The following PRKCH variants were observed in gnomAD, a reference collection of about 807,000 sequenced individuals.
The protein encoded by PRKCH is protein kinase C eta, also known as protein kinase C eta type.
Under a neutral mutation model 82.5 loss-of-function variants are expected in PRKCH, and 28 were observed. That is an observed-to-expected ratio of 0.34 (90% CI 0.25 to 0.47). The LOEUF (loss-of-function observed/expected upper bound fraction) is 0.47. PRKCH is among the 20% of genes least tolerant of loss of function. The pLI is 1.00. For missense variants in PRKCH, 705 were observed against 881.8 expected, an observed-to-expected ratio of 0.80 and a Z score of 2.54; for synonymous variants, 322 against 327.4, an observed-to-expected ratio of 0.98 and a Z score of 0.18.
intron 1 of PRKCH, among the ~76,000 whole-genome samples, chr14:61,288,609 T>A (rs1311100640): frequency 6.6e-6 from 1 of 152,210 alleles, no homozygotes; most frequent in African/African-American, 2.4e-5. Flanking sequence ...GTTTAAATTT[T>A]TAGTTTTCTT....
At chr14:61,279,996 G>A in intron 1 of PRKCH, 1 of 1,075,558 alleles carries the variant, frequency 9.3e-7, no homozygotes, top group South Asian at 1.7e-5. Context: ...GAAAAGCTAG[G>A]CGAGGTTGGA....
intron 10 of PRKCH, among the ~76,000 whole-genome samples, chr14:61,522,371 G>C (rs918162937): frequency 3.3e-5 from 5 of 152,064 alleles, no homozygotes; most frequent in African/African-American, 1.2e-4. Context: ...GTTTTCCATG[G>C]TTTATTGGGC....
intron 1 of PRKCH, among the ~76,000 whole-genome samples, chr14:61,226,905 C>T (rs1566786968): frequency 6.6e-6 from 1 of 152,144 alleles, no homozygotes; most frequent in Non-Finnish European, 1.5e-5. Context: ...CTTCCCTTCC[C>T]ACTACCAAAT....
chr14:61,393,793 T>C (rs2046725152), intron 2 of PRKCH, among the ~76,000 whole-genome samples: 1 of 152,230 alleles, frequency 6.6e-6, no homozygotes. Context: ...TGGTTCCATA[T>C]TGAGTTCTAT....
intron 10 of PRKCH, among the ~76,000 whole-genome samples, chr14:61,524,194 G>T (rs1039653984): frequency 2.0e-5 from 3 of 152,160 alleles, no homozygotes; most frequent in African/African-American, 7.2e-5. Flanking sequence ...ATTACTCTCA[G>T]GATAGCTTAT....
intron 9 of PRKCH, among the ~76,000 whole-genome samples, chr14:61,483,495 A>G (rs1157589869): frequency 6.6e-6 from 1 of 152,250 alleles, no homozygotes; most frequent in African/African-American, 2.4e-5. Context: ...CTTCTTCACT[A>G]TTAAATTCTT....
intron 1 of PRKCH, among the ~76,000 whole-genome samples, chr14:61,314,745 T>C (rs1220113401): frequency 3.3e-5 from 5 of 152,172 alleles, no homozygotes; most frequent in Non-Finnish European, 7.3e-5. Flanking sequence ...CTTAGGACCC[T>C]TCCCCTTTGG....
chr14:61,250,959 G>A (rs2044940533), intron 1 of PRKCH, among the ~76,000 whole-genome samples: 1 of 152,198 alleles, frequency 6.6e-6, no homozygotes, highest in Non-Finnish European at 1.5e-5. Flanking sequence ...CAGAGTGAAA[G>A]TGGATCTTTT....
rs758938304 is a variant in PRKCH at position 61,280,559 on chromosome 14, C to G, written c.-19+92891C>G. 3 of 1,609,632 alleles carry G rather than the reference C, an allele frequency of 1.9e-6. No individual in the cohort carries two copies. The South Asian group carries it at 3.3e-5, about 18-fold the overall frequency. ...TTGACGTGGTAGTCGGTCCACCAGG[C>G]GATGCCGGAGCGGTCGAGCGGCACC... On this transcript the variant is annotated intron_variant, in intron 1 of 3. Coordinates refer to the PRKCH transcript ENST00000555185. This position sits in a 1 kb window ranked among gnomAD's most constrained non-coding sequence, Gnocchi z 5.0.
intron 9 of PRKCH, among the ~76,000 whole-genome samples, chr14:61,468,948 C>A (rs1342397527): frequency 2.6e-5 from 4 of 152,140 alleles, no homozygotes; most frequent in Non-Finnish European, 4.4e-5. Flanking sequence ...TATAGATACT[C>A]TGGCTTCAGT....
chr14:61,526,274 AC>A (rs2042965282), intron 10 of PRKCH, among the ~76,000 whole-genome samples: 1 of 152,156 alleles, frequency 6.6e-6, no homozygotes, highest in Non-Finnish European at 1.5e-5. Context: ...TGGAGCCAGG[AC>A]TGGGTTTGGG....
At chr14:61,318,857 T>A (rs1165534413), upstream of PRKCH, among the ~76,000 whole-genome samples, 3 of 152,038 alleles carry the variant, frequency 2.0e-5, no homozygotes, top group African/African-American at 7.2e-5. Context: ...CCAGCTAATT[T>A]TTTTAGTTTT....
intron 1 of PRKCH, among the ~76,000 whole-genome samples, chr14:61,196,147 G>A (rs543360211): frequency 1.9e-4 from 29 of 152,278 alleles, no homozygotes; most frequent in African/African-American, 6.5e-4. Context: ...AGATGCTAAA[G>A]CATAACATTG....
At chr14:61,336,263 G>C (rs1387693952) in intron 1 of PRKCH, among the ~76,000 whole-genome samples, 1 of 152,124 alleles carries the variant, frequency 6.6e-6, no homozygotes, top group Non-Finnish European at 1.5e-5. Flanking sequence ...TTCCTCACTG[G>C]TTTTGCTTTT....
At chr14:61,455,168 T>C (rs983818972) in intron 7 of PRKCH, among the ~76,000 whole-genome samples, 1 of 151,440 alleles carries the variant, frequency 6.6e-6, no homozygotes, top group African/African-American at 2.4e-5. Context: ...TAGCTGGGAC[T>C]ATAGGCACCC....
At chr14:61,201,286 A>C (rs2044479092) in intron 1 of PRKCH, among the ~76,000 whole-genome samples, 1 of 152,190 alleles carries the variant, frequency 6.6e-6, no homozygotes, top group Non-Finnish European at 1.5e-5. Context: ...AGGTATTATT[A>C]TCTCATTTTT....
At chr14:61,333,278 T>G (rs1379360904) in intron 1 of PRKCH, among the ~76,000 whole-genome samples, 1 of 152,164 alleles carries the variant, frequency 6.6e-6, no homozygotes, top group Non-Finnish European at 1.5e-5. Context: ...TCTGGAAAAA[T>G]GCACATATGT....
chr14:61,511,651 A>G (rs17098630), intron 10 of PRKCH, among the ~76,000 whole-genome samples: 6,338 of 152,338 alleles, frequency 0.042, 442 homozygotes, highest in African/African-American at 0.15. Context: ...GATGGCATAA[A>G]TGCTTCTTGT....
At chr14:61,357,446 C>T (rs1035158610) in intron 1 of PRKCH, among the ~76,000 whole-genome samples, 3 of 152,236 alleles carry the variant, frequency 2.0e-5, no homozygotes, top group Non-Finnish European at 4.4e-5. Flanking sequence ...TCTGCTCCTG[C>T]ATCCTCCTAG....
Sources: allele counts gnomAD v4.1 joint callset (sites outside exome capture counted in the v4.1 genomes callset), GRCh38; gene constraint gnomAD v4.1.1; non-coding constraint Gnocchi (gnomAD v3.1); transcripts MANE v1.5; gene names NCBI Gene and HGNC (gene_info 2026-07-23, HGNC 2026-07-21).